AFMID: variants seen among roughly 807,000 people sequenced by gnomAD.
AFMID encodes the protein kynurenine formamidase.
In AFMID, 39 loss-of-function variants were observed where a neutral mutation model predicts 47.5. The observed-to-expected ratio is 0.82, with a 90% CI of 0.64 to 1.07. The LOEUF is 1.07. AFMID is among the 50% of genes least tolerant of loss of function. The probability of loss-of-function intolerance (pLI) is 0.00; values close to 1 mark genes in which losing one functional copy is unlikely to be tolerated. For synonymous variants in AFMID, 130 were observed against 153.2 expected, an observed-to-expected ratio of 0.85 and a Z score of 1.12; for missense variants, 375 against 387.5, an observed-to-expected ratio of 0.97 and a Z score of 0.27.
At chr17:78,198,522 C>T (rs759271120) in intron 2 of AFMID, among the ~76,000 whole-genome samples, 14 of 151,660 alleles carry the variant, frequency 9.2e-5, no homozygotes, top group Non-Finnish European at 1.8e-4. Flanking sequence ...GCAGGAGAAT[C>T]GCTTGAACCC....
At chr17:78,205,867 G>A (rs2076367071) in intron 9 of AFMID, 79 bp from the exon 10 acceptor site, 1 of 1,592,370 alleles carries the variant, frequency 6.3e-7, no homozygotes, top group African/African-American at 1.3e-5. Flanking sequence ...ACCCTGACCT[G>A]TGCCAGGCAT....
Position 78,197,255 on chromosome 17 carries a change from C to A in AFMID, c.155-5244C>A, listed in dbSNP as rs367590353. 3.4e-5 allele frequency: 52 copies of A among 1,528,280 alleles called. No homozygotes were observed. The East Asian group carries it at 6.6e-4, about 19-fold the overall frequency. The allele number at this position is 1,528,280 out of a possible 1,614,324, so 94.7% of individuals were successfully genotyped here. A position where few individuals can be genotyped will look rare whatever the true frequency, so the allele number is the denominator to read the frequency against. ...GTGCTGGGGCAGGGTTGTTGGCAAA[C>A]CCCCATGGATGGCAGCCGGCAATGG... On this transcript the variant is annotated intron_variant, in intron 2 of 10. Coordinates refer to ENST00000409257, the MANE Select transcript of AFMID (RefSeq NM_001010982.5).
chr17:78,204,314 C>G (rs1302390497), intron 4 of AFMID, among the ~76,000 whole-genome samples: 1 of 151,924 alleles, frequency 6.6e-6, no homozygotes, highest in Non-Finnish European at 1.5e-5. Flanking sequence ...CATAGTGGTG[C>G]ACACCTATAC....
At chr17:78,206,636 CCTTCTT>C (rs56013079) in intron 10 of AFMID, among the ~76,000 whole-genome samples, 4,723 of 150,234 alleles carry the variant, frequency 0.031, 166 homozygotes, top group East Asian at 0.12. Flanking sequence ...TCGTCGTCTT[CCTTCTT>C]CTTCTTCCTC....
At position 78,205,645 on chromosome 17, in the gene AFMID, G is replaced by C. The variant is rs751572957; in HGVS notation, c.687G>C (p.Gln229His). ...ATAGCCCCCAGCTGAAGGTGGCCCA[G>C]GCACAGCCGGTGGACCCCACCTGCC... ...QRNSPQLKVAQAQPVDPTCRV... is the reference protein window; with the variant it reads ...QRNSPQLKVAHAQPVDPTCRV... Residue 229 changes from glutamine (Q) to histidine (H), a missense_variant, in exon 9 of 11, where the codon CAG becomes CAC. By Grantham distance (24) the Gln-to-His change is conservative. Coordinates refer to ENST00000409257, the MANE Select transcript of AFMID (RefSeq NM_001010982.5). 7 of 1,613,766 alleles carry C rather than the reference G, an allele frequency of 4.3e-6. No homozygotes were observed. In the African/African-American group the frequency reaches 9.3e-5, roughly 22 times the overall value.
At chr17:78,204,323 ACTC>A (rs1741699339) in intron 4 of AFMID, among the ~76,000 whole-genome samples, 1 of 151,200 alleles carries the variant, frequency 6.6e-6, no homozygotes, top group Admixed American at 6.6e-5. Context: ...GCACACCTAT[ACTC>A]CTGCTTGGGA....
At chr17:78,197,184 G>A (rs936975671) in intron 2 of AFMID, 2 of 1,550,436 alleles carry the variant, frequency 1.3e-6, no homozygotes, top group Non-Finnish European at 1.7e-6. Context: ...ACGACCTTCT[G>A]ATGAAGCCAC....
At chr17:78,188,164 A>G (rs963249044) in intron 1 of AFMID, among the ~76,000 whole-genome samples, 12 of 151,974 alleles carry the variant, frequency 7.9e-5, no homozygotes, top group Non-Finnish European at 1.2e-4. Flanking sequence ...CTCAAAAAAA[A>G]AAAGAAAGAA....
chr17:78,194,538 A>T (rs1393342225), intron 2 of AFMID, among the ~76,000 whole-genome samples: 1 of 152,186 alleles, frequency 6.6e-6, no homozygotes, highest in African/African-American at 2.4e-5. Flanking sequence ...CCTCATCCCC[A>T]TCAAGGCCTG....
intron 2 of AFMID, 46 bp downstream of exon 2, chr17:78,191,106 T>C (rs1245268887): frequency 6.5e-7 from 1 of 1,535,282 alleles, no homozygotes; most frequent in Non-Finnish European, 9.0e-7. Context: ...TCCTTAAGCA[T>C]GTGGCAGTGA....
Position 78,207,114 on chromosome 17 carries a change from A to G in AFMID, c.*177A>G, listed in dbSNP as rs1053709576. On this transcript the variant is annotated 3_prime_UTR_variant, in exon 11 of 11. Transcript: ENST00000409257. Reference sequence around the variant, plus strand: ...TGCTGGGACACTCATGAAAATCTCCACGTCCTCCCTCTTCCCAGCCTGGAT... The same window carrying G: ...TGCTGGGACACTCATGAAAATCTCCGCGTCCTCCCTCTTCCCAGCCTGGAT... 5.8e-6 allele frequency: 4 copies of G among 692,590 alleles called. No homozygotes were observed. Among genetic ancestry groups the G allele is most frequent in the Non-Finnish European group, 1.0e-5 (4 of 397,846 alleles). 42.9% of individuals were successfully genotyped at this position (692,590 alleles called of 1,614,324 possible). A position where few individuals can be genotyped will look rare whatever the true frequency, so the allele number is the denominator to read the frequency against.
intron 1 of AFMID, among the ~76,000 whole-genome samples, chr17:78,189,219 C>CTTTTTT (rs770863206): frequency 7.3e-5 from 9 of 122,746 alleles, no homozygotes; most frequent in African/African-American, 1.6e-4. Context: ...TTCCTTGTTA[C>CTTTTTT]TTTTTTTTTT....
chr17:78,199,430 C>T (rs2076193720), intron 2 of AFMID, among the ~76,000 whole-genome samples: 1 of 149,704 alleles, frequency 6.7e-6, no homozygotes, highest in South Asian at 2.2e-4. Context: ...GGCTGGAGTG[C>T]AGTGGTGCAA....
chr17:78,204,525 T>C, intron 4 of AFMID, 131 bp from the exon 5 acceptor site: 3 of 836,716 alleles, frequency 3.6e-6, no homozygotes, highest in Non-Finnish European at 5.9e-6. Flanking sequence ...TCCGCTTCAC[T>C]CTCTCACATG....
At chr17:78,194,381 A>G (rs987255793) in intron 2 of AFMID, among the ~76,000 whole-genome samples, 7 of 152,118 alleles carry the variant, frequency 4.6e-5, no homozygotes, top group Non-Finnish European at 1.0e-4. Context: ...CGCCTCCCAA[A>G]GTGCTGGGAT....
In AFMID at chr17:78,204,808, A is replaced by C. The variant is rs2076334813; in HGVS notation, c.395-20A>C. 1 of 1,614,190 alleles carries C rather than the reference A, an allele frequency of 6.2e-7. No homozygotes were observed. The highest frequency in any genetic ancestry group is 8.5e-7 in the Non-Finnish European group (1 of 1,180,024). Reference sequence around the variant, plus strand: ...TTAGGAGGAAGTGCATCCCTGACCCAGCTCATGCTCTCTGTGCAGGCACCC... The same window carrying C: ...TTAGGAGGAAGTGCATCCCTGACCCCGCTCATGCTCTCTGTGCAGGCACCC... On this transcript the variant is annotated intron_variant, in intron 5 of 10. Coordinates refer to ENST00000409257, the MANE Select transcript of AFMID (RefSeq NM_001010982.5).
At chr17:78,187,989 A>AAAAAAAAAAAAAAAAC (rs2075847437) in intron 1 of AFMID, among the ~76,000 whole-genome samples, 1 of 135,814 alleles carries the variant, frequency 7.4e-6, no homozygotes. Flanking sequence ...AAAAAAAAAA[A>AAAAAAAAAAAAAAAAC]TCCATAGACC....
intron 2 of AFMID, 96 bp downstream of exon 2, chr17:78,191,156 C>A: frequency 9.2e-7 from 1 of 1,084,550 alleles, no homozygotes; most frequent in Non-Finnish European, 1.4e-6. Flanking sequence ...GCTGCACCAC[C>A]TGGGCCTCGA....
chr17:78,193,159 C>T (rs2076017229), intron 2 of AFMID, among the ~76,000 whole-genome samples: 1 of 151,804 alleles, frequency 6.6e-6, no homozygotes, highest in Non-Finnish European at 1.5e-5. Context: ...ATCATGAGGT[C>T]AGGAGATCGA....
Sources: gnomAD v4.1 joint callset for allele counts (sites outside exome capture counted in the v4.1 genomes callset) on GRCh38, gnomAD v4.1.1 for gene constraint, MANE v1.5 for transcripts, NCBI Gene and HGNC (gene_info 2026-07-23, HGNC 2026-07-21) for gene names.